GAL3ST1: variants seen among roughly 807,000 people sequenced by gnomAD.
GAL3ST1 encodes galactose-3-O-sulfotransferase 1.
Under a neutral mutation model 25.0 loss-of-function variants are expected in GAL3ST1, and 13 were observed. That is an observed-to-expected ratio of 0.52 (90% CI 0.34 to 0.83). The LOEUF is 0.83. GAL3ST1 is among the 40% of genes least tolerant of loss of function. The pLI, the probability that GAL3ST1 is intolerant of heterozygous loss-of-function variation, is 0.02. For synonymous variants in GAL3ST1, 274 were observed against 277.8 expected (o/e 0.99, Z 0.14); for missense variants, 474 against 613.6 (o/e 0.77, Z 2.40).
rs561587699 is a variant in GAL3ST1 at position 30,556,638 on chromosome 22, C to T, written c.132-545G>A. 3.9e-5 allele frequency among the ~76,000 whole-genome samples: 6 copies of T among 152,278 alleles called. No individual in the cohort carries two copies. In the East Asian group the frequency reaches 1.2e-3, roughly 29 times the overall value. ...GGACAGGTCGCCCCCACCAGGGCCC[C>T]GTTGGCATCTCAGATGATGCAAATC... On this transcript the variant is annotated intron_variant, in intron 3 of 3. Transcript: ENST00000406361.
At position 30,555,197 on chromosome 22, in the gene GAL3ST1, G is replaced by A. The variant is rs755622933; in HGVS notation, c.1028C>T (p.Thr343Ile). Residue 343 changes from threonine to isoleucine, a missense_variant, in exon 4 of 4, where the codon ACC (threonine) becomes ATC (isoleucine). Physicochemically the swap from Thr to Ile is moderately conservative, Grantham distance 89. This residue lies in a region of GAL3ST1 where 359 missense variants were observed against 504.4 expected (regional missense o/e 0.71). Coordinates refer to ENST00000406361, the MANE Select transcript of GAL3ST1 (RefSeq NM_001318104.2). This position sits in a 1 kb window ranked among gnomAD's most constrained non-coding sequence, Gnocchi z 8.6. ...GGCGTGGCCCCCGTCGATGCAGATG[G>A]TCCGCATGCGCTCGTTGGCATGGCG... Reference protein sequence around the residue: ...ALRHANERMRTICIDGGHAVD... With the variant: ...ALRHANERMRIICIDGGHAVD... 57 of 1,600,138 alleles carry A rather than the reference G, an allele frequency of 3.6e-5. No individual in the cohort carries two copies. Among genetic ancestry groups the A allele is most frequent in the Non-Finnish European group, 4.8e-5 (57 of 1,176,132 alleles).
chr22:30,566,908 C>T (rs1168919911), intron 1 of GAL3ST1, among the ~76,000 whole-genome samples: 5 of 152,020 alleles, frequency 3.3e-5, no homozygotes, highest in Non-Finnish European at 7.4e-5. Flanking sequence ...CACGCCCAGC[C>T]GATGACATCT....
chr22:30,554,791 T>C lies in GAL3ST1; in HGVS notation c.*162A>G. On this transcript the variant is annotated 3_prime_UTR_variant, in exon 4 of 4. Coordinates refer to ENST00000406361, the MANE Select transcript of GAL3ST1 (RefSeq NM_001318104.2). ...CTCGGTTAGGCCCTCTCTGTGTTCA[T>C]GGGCCCAGTCTTGGCTGGCTGCCTC... is the stretch of plus-strand genomic sequence containing the variant. The C allele has an allele frequency of 1.8e-6, 1 of 562,510 alleles. No individual in the cohort carries two copies. Among genetic ancestry groups the C allele is most frequent in the East Asian group, 3.0e-5 (1 of 33,358 alleles). 34.8% of individuals were successfully genotyped at this position (562,510 alleles called of 1,614,324 possible).
intron 1 of GAL3ST1, among the ~76,000 whole-genome samples, chr22:30,566,670 C>T (rs984240696): frequency 6.6e-6 from 1 of 151,828 alleles, no homozygotes; most frequent in Non-Finnish European, 1.5e-5. Context: ...AGTGCAGTGG[C>T]GCCATCTCAG....
chr22:30,555,547 G>C lies in GAL3ST1; in HGVS notation c.678C>G (p.Asn226Lys), dbSNP rs751699540. 3 of 1,613,660 alleles carry C rather than the reference G, an allele frequency of 1.9e-6. No individual in the cohort carries two copies. The East Asian group carries it at 6.7e-5, about 36-fold the overall frequency. The change falls in exon 4 of 4, where the codon AAC (asparagine) becomes AAG (lysine). Residue 226 changes from asparagine (N) to lysine (K), a missense_variant. By Grantham distance (94) the Asn-to-Lys change is moderately conservative. Transcript: ENST00000406361. This position sits in a 1 kb window ranked among gnomAD's most constrained non-coding sequence, Gnocchi z 8.6. ...NLLFFDLGYD[N>K]SLDPSSPQVQ... ...CCTGCGGGCTGCTGGGGTCCAGGCTGTTGTCATAGCCCAGGTCGAAGAAGA... is the reference window on the plus strand; with the variant it reads ...CCTGCGGGCTGCTGGGGTCCAGGCTCTTGTCATAGCCCAGGTCGAAGAAGA...
chr22:30,555,979 C>T lies in GAL3ST1; in HGVS notation c.246G>A (p.Lys82=). ...GGGTGCTGCTGGCCGTCTTGTGCGT[C>T]TTCAAGAACACGATGTTGCGCCGCG... ...CQPRRNIVFL[K]THKTASSTLL... Residue 82 remains lysine, a synonymous_variant, in exon 4 of 4, where the codon AAG becomes AAA. Transcript: ENST00000406361. The surrounding 1 kb of genome is among the most constrained non-coding windows in gnomAD (Gnocchi z 8.6). 2.5e-6 allele frequency: 4 copies of T among 1,613,758 alleles called. No homozygotes were observed. The South Asian group carries it at 3.3e-5, about 13-fold the overall frequency.
intron 2 of GAL3ST1, chr22:30,557,625 T>C (rs973316334): frequency 1.9e-5 from 9 of 468,232 alleles, no homozygotes; most frequent in Non-Finnish European, 3.4e-5. Context: ...CAAAGAGAGG[T>C]TGGGGAATGG....
At chr22:30,559,302 G>A (rs546859757) in intron 1 of GAL3ST1, among the ~76,000 whole-genome samples, 8 of 152,152 alleles carry the variant, frequency 5.3e-5, no homozygotes, top group South Asian at 2.1e-4. Context: ...GTGCTGTGGC[G>A]CAATCTCGGC....
chr22:30,555,187 G>A lies in GAL3ST1; in HGVS notation c.1038C>T (p.Ile346=), dbSNP rs749929808. ...CGGCGTCCACGGCGTGGCCCCCGTC[G>A]ATGCAGATGGTCCGCATGCGCTCGT... The part of the protein sequence containing the change: ...HANERMRTIC[I]DGGHAVDAAA... Residue 346 remains isoleucine, a synonymous_variant, in exon 4 of 4, where the codon ATC becomes ATT. Transcript: ENST00000406361. The surrounding 1 kb of genome is among the most constrained non-coding windows in gnomAD (Gnocchi z 8.6). 1.6e-5 allele frequency: 26 copies of A among 1,600,598 alleles called. No individual in the cohort carries two copies. The highest frequency in any genetic ancestry group is 2.1e-5 in the Non-Finnish European group (25 of 1,176,040).
intron 1 of GAL3ST1, among the ~76,000 whole-genome samples, chr22:30,563,802 G>A (rs537790484): frequency 6.6e-6 from 1 of 151,894 alleles, no homozygotes; most frequent in Admixed American, 6.6e-5. Context: ...TGTAGTCCCA[G>A]CTACTCAGGA....
intron 1 of GAL3ST1, among the ~76,000 whole-genome samples, chr22:30,565,697 A>G (rs557906553): frequency 2.0e-5 from 3 of 152,250 alleles, no homozygotes; most frequent in African/African-American, 7.2e-5. Flanking sequence ...GGAGATGCAG[A>G]TCTTCCCCAA....
At chr22:30,562,655 A>G (rs1334979581) in intron 1 of GAL3ST1, among the ~76,000 whole-genome samples, 1 of 152,190 alleles carries the variant, frequency 6.6e-6, no homozygotes, top group Non-Finnish European at 1.5e-5. Context: ...CACCTGGTGA[A>G]TGTGTGATGA....
At chr22:30,557,482 G>T in intron 2 of GAL3ST1, 81 bp from the exon 3 acceptor site, 1 of 1,525,892 alleles carries the variant, frequency 6.6e-7, no homozygotes, top group East Asian at 2.3e-5. Flanking sequence ...CCTGGCAGTT[G>T]AGCCCTGCCT....
chr22:30,561,691 A>G (rs532909893), intron 1 of GAL3ST1, among the ~76,000 whole-genome samples: 1 of 152,210 alleles, frequency 6.6e-6, no homozygotes, highest in Non-Finnish European at 1.5e-5. Context: ...GGGGTTGGAC[A>G]GGAAGCTCTA....
intron 3 of GAL3ST1, among the ~76,000 whole-genome samples, chr22:30,556,381 A>C (rs1471785204): frequency 6.6e-6 from 1 of 152,174 alleles, no homozygotes; most frequent in Non-Finnish European, 1.5e-5. Flanking sequence ...ATGTACCATG[A>C]ATCAGTATCA....
intron 1 of GAL3ST1, among the ~76,000 whole-genome samples, chr22:30,561,011 C>A (rs2086378971): frequency 6.6e-6 from 1 of 151,644 alleles, no homozygotes; most frequent in African/African-American, 2.4e-5. Context: ...GTGGTGTGAT[C>A]TCGGCTCACT....
intron 1 of GAL3ST1, among the ~76,000 whole-genome samples, chr22:30,572,326 G>A (rs2086808340): frequency 6.6e-6 from 1 of 152,158 alleles, no homozygotes; most frequent in South Asian, 2.1e-4. Flanking sequence ...CACAATGCCG[G>A]AGATACATAC....
chr22:30,554,947 G>A lies in GAL3ST1; in HGVS notation c.*6C>T, dbSNP rs1319504535. The A allele has an allele frequency of 6.4e-7, 1 of 1,552,300 alleles. No homozygotes were observed. The highest frequency in any genetic ancestry group is 8.7e-7 in the Non-Finnish European group (1 of 1,144,138). Reference sequence around the variant, plus strand: ...GCAGGCAGGCAAGCCGCTGGGCGGTGGGACGTCACCACCGCAGGAAATCGC... The same window carrying A: ...GCAGGCAGGCAAGCCGCTGGGCGGTAGGACGTCACCACCGCAGGAAATCGC... On this transcript the variant is annotated 3_prime_UTR_variant, in exon 4 of 4. Coordinates refer to ENST00000406361, the MANE Select transcript of GAL3ST1 (RefSeq NM_001318104.2).
intron 1 of GAL3ST1, among the ~76,000 whole-genome samples, chr22:30,566,377 C>A (rs957242626): frequency 6.6e-6 from 1 of 152,230 alleles, no homozygotes; most frequent in Non-Finnish European, 1.5e-5. Context: ...ATGCATCATG[C>A]AGCCTCATAG....
Sources: allele counts gnomAD v4.1 joint callset (sites outside exome capture counted in the v4.1 genomes callset), GRCh38; gene constraint gnomAD v4.1.1; regional missense constraint gnomAD v4.1.1; non-coding constraint Gnocchi (gnomAD v3.1); transcripts MANE v1.5; gene names NCBI Gene and HGNC (gene_info 2026-07-23, HGNC 2026-07-21).